Variants in ANK1 observed in about 807,000 individuals in gnomAD.
The protein encoded by ANK1 is ankyrin 1.
Under a neutral mutation model 210.4 loss-of-function variants are expected in ANK1, and 51 were observed. That is an observed-to-expected ratio of 0.24 (90% CI 0.19 to 0.31). The LOEUF is 0.31. ANK1 is among the 10% of genes least tolerant of loss of function. ANK1 has a pLI of 1.00. For missense variants in ANK1, 2,051 were observed against 2,504.4 expected, an observed-to-expected ratio of 0.82 and a Z score of 3.86; for synonymous variants, 967 against 1,025.9, an observed-to-expected ratio of 0.94 and a Z score of 1.10.
At chr8:41,896,232 G>T (rs995497440) in intron 1 of ANK1, 39 of 1,328,378 alleles carry the variant, frequency 2.9e-5, no homozygotes, top group Non-Finnish European at 3.7e-5. Context: ...CCCCGCTCGG[G>T]TGCCGCCAAC....
Position 41,870,105 on chromosome 8 carries a change from T to C in ANK1, c.126+26250A>G, listed in dbSNP as rs1174507532. On this transcript the variant is annotated intron_variant, in intron 1 of 42. Coordinates refer to the ANK1 transcript ENST00000265709. ...GGCGGTTCAAGGACCCCTCTGCAAG[T>C]AACACCACCAACAGCCCTACCAACA... is the stretch of plus-strand genomic sequence containing the variant. Among the ~76,000 whole-genome samples, 5 of 152,006 alleles carry C rather than the reference T, an allele frequency of 3.3e-5. No individual in the cohort carries two copies. In the East Asian group the frequency reaches 7.7e-4, roughly 24 times the overall value.
intron 42 of ANK1, among the ~76,000 whole-genome samples, chr8:41,660,215 C>G (rs1023278126): frequency 2.0e-5 from 3 of 152,094 alleles, no homozygotes; most frequent in Non-Finnish European, 2.9e-5. Context: ...CTGGATCTGC[C>G]AGTCCTCTTT....
intron 38 of ANK1, 100 bp from the exon 39 acceptor site, chr8:41,668,664 A>G: frequency 7.6e-7 from 1 of 1,317,356 alleles, no homozygotes; most frequent in Non-Finnish European, 1.0e-6. Flanking sequence ...CCCCACCCAG[A>G]GCTCTGGCTC....
chr8:41,827,703 C>G (rs1263478050), intron 1 of ANK1, among the ~76,000 whole-genome samples: 1 of 145,628 alleles, frequency 6.9e-6, no homozygotes, highest in Non-Finnish European at 1.5e-5. Context: ...CACACACACT[C>G]ACACGCACAC....
intron 1 of ANK1, chr8:41,896,213 C>A: frequency 6.4e-6 from 8 of 1,249,300 alleles, no homozygotes; most frequent in Non-Finnish European, 5.2e-6. Context: ...TCTACGCCCA[C>A]CGAGCCTTCC....
intron 1 of ANK1, among the ~76,000 whole-genome samples, chr8:41,831,596 C>T (rs1806627318): frequency 7.0e-6 from 1 of 143,358 alleles, no homozygotes; most frequent in Non-Finnish European, 1.5e-5. Flanking sequence ...TACAAGTGAG[C>T]CAAGATTGCG....
Position 41,661,530 on chromosome 8 carries a change from A to C in ANK1, c.5579T>G (p.Leu1860Arg). The change falls in exon 42 of 43, where the codon CTG becomes CGG. Residue 1860 changes from leucine to arginine, a missense_variant. This residue lies in a region of ANK1 where 496 missense variants were observed against 533.4 expected (regional missense o/e 0.93). Coordinates refer to ENST00000289734, the MANE Select transcript of ANK1 (RefSeq NM_000037.4). ...ELRGSGLQPD[L>R]IEGRKGAQIV... ...CTGCGCCCCCTTCCTGCCCTCTATC[A>C]GGTCCGGCTGTAGGCCACTCCCTCT... 6.2e-7 allele frequency: 1 copy of C among 1,613,918 alleles called. No individual in the cohort carries two copies. Among genetic ancestry groups the C allele is most frequent in the African/African-American group, 1.3e-5 (1 of 74,984 alleles).
chr8:41,715,656 G>T lies in ANK1; in HGVS notation c.1598C>A (p.Thr533Asn). ...LEKEASQACM[T>N]KKGFTPLHVA... Reference sequence around the variant, plus strand: ...CCACGAGGCGGGAGGCTGTACCTTGGTCATGCAGGCCTGGGATGCTTCCTT... The same window carrying T: ...CCACGAGGCGGGAGGCTGTACCTTGTTCATGCAGGCCTGGGATGCTTCCTT... Residue 533 changes from threonine to asparagine, a missense_variant, in exon 14 of 43, where the codon ACC becomes AAC. Transcript: ENST00000289734. The T allele has an allele frequency of 1.2e-6, 2 of 1,613,284 alleles. No individual in the cohort carries two copies. The highest frequency in any genetic ancestry group is 8.5e-7 in the Non-Finnish European group (1 of 1,179,960).
intron 1 of ANK1, among the ~76,000 whole-genome samples, chr8:41,790,588 T>G (rs1239119448): frequency 6.8e-6 from 1 of 146,678 alleles, no homozygotes; most frequent in Non-Finnish European, 1.5e-5. Context: ...TGACCTGCCC[T>G]GAATCTCACT....
chr8:41,876,016 C>T (rs2150828160), intron 1 of ANK1, among the ~76,000 whole-genome samples: 1 of 152,058 alleles, frequency 6.6e-6, no homozygotes, highest in South Asian at 2.1e-4. Context: ...GCGCGCACGT[C>T]CCGCGACCTC....
At chr8:41,714,010 G>A (rs1826901344) in intron 16 of ANK1, 146 bp downstream of exon 16, 1 of 502,048 alleles carries the variant, frequency 2.0e-6, no homozygotes, top group Admixed American at 4.2e-5. Context: ...GGTAACATGT[G>A]GGAAAGTGAG....
intron 40 of ANK1, among the ~76,000 whole-genome samples, chr8:41,663,395 T>G (rs1489777217): frequency 1.3e-5 from 2 of 152,162 alleles, no homozygotes; most frequent in Non-Finnish European, 2.9e-5. Flanking sequence ...GGATGTTTCC[T>G]GGGGGCTGGC....
At chr8:41,871,948 G>A (rs1174090401) in intron 1 of ANK1, among the ~76,000 whole-genome samples, 2 of 152,186 alleles carry the variant, frequency 1.3e-5, no homozygotes, top group Non-Finnish European at 2.9e-5. Context: ...CCCCGGGATG[G>A]GGGAAGGGAG....
intron 39 of ANK1, chr8:41,664,817 C>A (rs1200526111): frequency 6.8e-6 from 11 of 1,607,366 alleles, no homozygotes; most frequent in Non-Finnish European, 8.5e-6. Context: ...TCAGGAAGAC[C>A]CGCCGCCGGA....
intron 1 of ANK1, among the ~76,000 whole-genome samples, chr8:41,807,166 C>T (rs1851093440): frequency 6.6e-6 from 1 of 152,152 alleles, no homozygotes; most frequent in Admixed American, 6.5e-5. Flanking sequence ...GTAAAGAAAA[C>T]AGACACGGTC....
At chr8:41,665,340 G>A (rs534245933) in intron 39 of ANK1, 347 of 1,268,296 alleles carry the variant, frequency 2.7e-4, no homozygotes, top group Admixed American at 1.3e-3. Flanking sequence ...CTGTCCAACC[G>A]GGCTAGAAGG....
rs530919422 is a variant in ANK1, at chr8:41,668,256, C to T, written c.5394+11G>A. 1.4e-5 allele frequency: 22 copies of T among 1,614,218 alleles called. No individual in the cohort carries two copies. The East Asian group carries it at 2.9e-4, about 21-fold the overall frequency. On this transcript the variant is annotated intron_variant, in intron 39 of 42. Coordinates refer to ENST00000289734, the MANE Select transcript of ANK1 (RefSeq NM_000037.4). Reference sequence around the variant, plus strand: ...AGGAACAGCAGCACGCAGCTCCCCTCGGGCTCTCACCTGCACCACTTGGGT... The same window carrying T: ...AGGAACAGCAGCACGCAGCTCCCCTTGGGCTCTCACCTGCACCACTTGGGT...
chr8:41,684,461 G>GT (rs756571403), intron 37 of ANK1, 83 bp downstream of exon 37: 1 of 1,579,782 alleles, frequency 6.3e-7, no homozygotes, highest in Non-Finnish European at 8.7e-7. Flanking sequence ...GAGGGATGAC[G>GT]TATTGTGGGA....
chr8:41,735,010 A>G (rs1293100775), intron 2 of ANK1, among the ~76,000 whole-genome samples: 2 of 152,208 alleles, frequency 1.3e-5, no homozygotes, highest in Non-Finnish European at 2.9e-5. Context: ...CAAACAAACA[A>G]ACAAACAAAA....
Sources: allele counts gnomAD v4.1 joint callset (sites outside exome capture counted in the v4.1 genomes callset), GRCh38; gene constraint gnomAD v4.1.1; regional missense constraint gnomAD v4.1.1; transcripts MANE v1.5; gene names NCBI Gene and HGNC (gene_info 2026-07-23, HGNC 2026-07-21).